The following EIF4A3 variants were observed in gnomAD, a reference collection of about 807,000 sequenced individuals.
EIF4A3 encodes the protein eukaryotic translation initiation factor 4A3, also known as eukaryotic initiation factor 4A-III.
Under a neutral mutation model 55.6 loss-of-function variants are expected in EIF4A3, and 1 was observed. The observed-to-expected ratio is 0.02, with a 90% confidence interval of 0.01 to 0.09. The LOEUF (loss-of-function observed/expected upper bound fraction) is 0.09, where lower values mean the gene tolerates loss of function less well. Among genes scored for constraint, EIF4A3 ranks in the 10% least tolerant of loss-of-function variants. The pLI, the probability that EIF4A3 is intolerant of heterozygous loss-of-function variation, is 1.00. For missense variants in EIF4A3, 221 were observed against 540.7 expected, an observed-to-expected ratio of 0.41 and a Z score of 5.86; for synonymous variants, 194 against 196.3, an observed-to-expected ratio of 0.99 and a Z score of 0.10.
chr17:80,146,708 G>C (rs918240940), intron 1 of EIF4A3, 85 bp downstream of exon 1: 12 of 1,479,800 alleles, frequency 8.1e-6, no homozygotes, highest in African/African-American at 1.4e-5. Flanking sequence ...CGCAGGGCCG[G>C]CCCGGGAGTC....
intron 1 of EIF4A3, among the ~76,000 whole-genome samples, 190 bp downstream of exon 1, chr17:80,146,603 C>A (rs1380580826): frequency 6.6e-6 from 1 of 152,228 alleles, no homozygotes; most frequent in Non-Finnish European, 1.5e-5. Flanking sequence ...ACCGAAAGCG[C>A]CGACACAGCC....
In EIF4A3 at chr17:80,134,858, G is replaced by A. The variant is rs2039557213; in HGVS notation, c.*632C>T. Among the ~76,000 whole-genome samples, 1 of 152,078 alleles carries A rather than the reference G, an allele frequency of 6.6e-6. No homozygotes were observed. Among genetic ancestry groups the A allele is most frequent in the South Asian group, 2.1e-4 (1 of 4,826 alleles). ...CTTTCCAAAAAAAAAGATTAGAAAA[G>A]TGAGTGAAATGGGCCGGGTGCAGTG... On this transcript the variant is annotated 3_prime_UTR_variant, in exon 12 of 12. Transcript: ENST00000649764.
At chr17:80,138,840 G>T (rs973602382) in intron 7 of EIF4A3, 181 bp downstream of exon 7, 4 of 782,850 alleles carry the variant, frequency 5.1e-6, no homozygotes, top group African/African-American at 1.8e-5. Context: ...AATTTTAAAA[G>T]AATTTGCATG....
At chr17:80,136,676 A>G (rs1473787451) in intron 9 of EIF4A3, 1 of 245,272 alleles carries the variant, frequency 4.1e-6, no homozygotes, top group African/African-American at 2.3e-5. Flanking sequence ...AAAAACGGTA[A>G]CTTCAGCCGG....
In EIF4A3 at chr17:80,147,058, G is replaced by GACCTCGCTGTGCCGCTGCCA. The variant is rs2039674280; in HGVS notation, c.-98_-97insTGGCAGCGGCACAGCGAGGT. The GACCTCGCTGTGCCGCTGCCA allele has an allele frequency of 7.5e-7, 1 of 1,334,222 alleles. No individual in the cohort carries two copies. 82.6% of individuals were successfully genotyped at this position (1,334,222 alleles called of 1,614,324 possible). On this transcript the variant is annotated 5_prime_UTR_variant, in exon 1 of 12. Coordinates refer to ENST00000649764, the MANE Select transcript of EIF4A3 (RefSeq NM_014740.4). ...CGCTGCCGACCTCGCTGCCGCTGCC[G>GACCTCGCTGTGCCGCTGCCA]ACCTCGCTGTGCCGCTGCCGACCTC...
chr17:80,136,517 G>C (rs1275522701), intron 9 of EIF4A3, 182 bp from the exon 10 acceptor site: 2 of 584,858 alleles, frequency 3.4e-6, no homozygotes, highest in Non-Finnish European at 6.0e-6. Context: ...CCCCTGTGCA[G>C]AGGGGCTGTT....
At chr17:80,137,292 C>T (rs1044203758) in intron 9 of EIF4A3, 94 bp downstream of exon 9, 37 of 1,087,506 alleles carry the variant, frequency 3.4e-5, no homozygotes, top group Non-Finnish European at 4.4e-5. Context: ...GGCATCCCCC[C>T]GGGTGTGGGG....
chr17:80,146,631 CGGGGGT>C (rs990656060), intron 1 of EIF4A3, among the ~76,000 whole-genome samples, 156 bp downstream of exon 1: 3 of 151,210 alleles, frequency 2.0e-5, no homozygotes, highest in Admixed American at 6.6e-5. Context: ...AGGGCGAGGA[CGGGGGT>C]GGGGGTGGGG....
intron 1 of EIF4A3, 138 bp downstream of exon 1, chr17:80,146,655 G>A (rs1360833924): frequency 6.7e-6 from 7 of 1,052,054 alleles, no homozygotes; most frequent in South Asian, 1.7e-5. Context: ...GGGGTCGGAC[G>A]TCACTGGCCC....
chr17:80,144,045 T>A, intron 2 of EIF4A3, 127 bp downstream of exon 2: 2 of 888,584 alleles, frequency 2.3e-6, no homozygotes, highest in Non-Finnish European at 3.7e-6. Flanking sequence ...ACCCTGTGGC[T>A]AAAGTCAGGG....
Position 80,143,735 on chromosome 17 carries a change from T to C in EIF4A3, c.242+437A>G, listed in dbSNP as rs144172624. ...AACTCATGCCTGAAATCCCAGCACT[T>C]TAGGAGGCCAAGGAGGGTGGATCAC... On this transcript the variant is annotated intron_variant, in intron 2 of 11. Transcript: ENST00000649764. Among the ~76,000 whole-genome samples, 312 of 152,164 alleles carry C rather than the reference T, an allele frequency of 2.1e-3. 1 individual carries two copies. The highest frequency in any genetic ancestry group is 7.4e-3 in the African/African-American group (307 of 41,502).
rs2039578688 is a variant in EIF4A3 at position 80,137,291 on chromosome 17, C to G, written c.983+95G>C. 2.8e-6 allele frequency: 3 copies of G among 1,084,116 alleles called. No individual in the cohort carries two copies. The South Asian group carries it at 5.1e-5, about 18-fold the overall frequency. The allele number at this position is 1,084,116 out of a possible 1,614,324, so 67.2% of individuals were successfully genotyped here. ...TTCAGAGCAGAAGCTTGGCATCCCCCCGGGTGTGGGGCCTGCACTTAGGCG... is the reference window on the plus strand; with the variant it reads ...TTCAGAGCAGAAGCTTGGCATCCCCGCGGGTGTGGGGCCTGCACTTAGGCG... On this transcript the variant is annotated intron_variant, in intron 9 of 11. Coordinates refer to ENST00000649764, the MANE Select transcript of EIF4A3 (RefSeq NM_014740.4).
At chr17:80,145,842 C>G (rs944491768) in intron 1 of EIF4A3, among the ~76,000 whole-genome samples, 8 of 152,146 alleles carry the variant, frequency 5.3e-5, no homozygotes, top group African/African-American at 1.9e-4. Flanking sequence ...TTCTGTCACT[C>G]ACGTTCAATC....
At chr17:80,135,671 A>C (rs7212254) in intron 11 of EIF4A3, 165 bp from the exon 12 acceptor site, 1 of 648,190 alleles carries the variant, frequency 1.5e-6, no homozygotes, top group East Asian at 2.8e-5. Context: ...TGAGGTGGGC[A>C]GATCATTTGA....
At chr17:80,143,355 C>G (rs893009954) in intron 2 of EIF4A3, among the ~76,000 whole-genome samples, 2 of 152,172 alleles carry the variant, frequency 1.3e-5, no homozygotes, top group Admixed American at 6.5e-5. Context: ...TTAATCCAAC[C>G]TAAAGAGGGG....
intron 1 of EIF4A3, among the ~76,000 whole-genome samples, chr17:80,144,806 A>G (rs566413831): frequency 6.6e-5 from 10 of 152,140 alleles, no homozygotes; most frequent in African/African-American, 2.4e-4. Flanking sequence ...AGGGTGTCCT[A>G]TGTTGTTCTG....
At chr17:80,138,984 C>G (rs1473862540) in intron 7 of EIF4A3, 37 bp downstream of exon 7, 1 of 1,606,896 alleles carries the variant, frequency 6.2e-7, no homozygotes. Flanking sequence ...TAAATGCGGC[C>G]CAGTGTTTTA....
rs977837019 is a variant in EIF4A3 at position 80,134,463 on chromosome 17, G to C, written c.*1027C>G. ...CAACATTGTGGTAAGTCATGATCCT[G>C]CCACTATACTCCTGCCTGGGCGACA... On this transcript the variant is annotated 3_prime_UTR_variant, in exon 12 of 12. Transcript: ENST00000649764. Among the ~76,000 whole-genome samples the C allele has an allele frequency of 1.3e-5, 2 of 151,836 alleles. No individual in the cohort carries two copies. The highest frequency in any genetic ancestry group is 2.9e-5 in the Non-Finnish European group (2 of 67,988).
intron 4 of EIF4A3, 24 bp downstream of exon 4, chr17:80,141,295 C>A: frequency 6.3e-7 from 1 of 1,598,794 alleles, no homozygotes; most frequent in Non-Finnish European, 8.6e-7. Flanking sequence ...GTTAATCGGA[C>A]ACCGCTATCT....
Sources: allele counts gnomAD v4.1 joint callset (sites outside exome capture counted in the v4.1 genomes callset), GRCh38; gene constraint gnomAD v4.1.1; transcripts MANE v1.5; gene names NCBI Gene and HGNC (gene_info 2026-07-23, HGNC 2026-07-21).